The following PLAC1 variants were observed in gnomAD, a reference collection of about 807,000 sequenced individuals.
PLAC1 encodes the protein placenta associated 1, also known as placenta-specific protein 1.
For synonymous variants in PLAC1, 68 were observed against 62.1 expected (o/e 1.09, Z -0.44); for missense variants, 136 against 163.2 (o/e 0.83, Z 0.91).
At chrX:134,570,779 G>T (rs2077904148) in intron 2 of PLAC1, among the ~76,000 whole-genome samples, 1 of 111,412 alleles carries the variant, frequency 9.0e-6, no homozygotes, top group South Asian at 3.8e-4. Flanking sequence ...GTAGCTTTCT[G>T]TTTTTTTGTA....
At chrX:134,708,656 A>C (rs2078617225) in intron 2 of PLAC1, among the ~76,000 whole-genome samples, 1 of 106,822 alleles carries the variant, frequency 9.4e-6, no homozygotes, top group Non-Finnish European at 1.9e-5. Flanking sequence ...CTCCTGCCTC[A>C]GCCTCCCAAG....
At chrX:134,721,883 T>TA (rs2078659043) in intron 2 of PLAC1, among the ~76,000 whole-genome samples, 1 of 110,335 alleles carries the variant, frequency 9.1e-6, no homozygotes, top group Non-Finnish European at 1.9e-5. Context: ...AAAATAAAAA[T>TA]AAAAAAAGGC....
At chrX:134,684,886 A>C (rs1313440789) in intron 2 of PLAC1, among the ~76,000 whole-genome samples, 1 of 112,400 alleles carries the variant, frequency 8.9e-6, no homozygotes, top group East Asian at 2.8e-4. Context: ...GGCCCTAGGC[A>C]TATCCCTCAA....
intron 1 of PLAC1, among the ~76,000 whole-genome samples, chrX:134,634,773 T>C (rs1041921704): frequency 1.8e-5 from 2 of 112,474 alleles, no homozygotes; most frequent in African/African-American, 6.5e-5. Flanking sequence ...CATCAGTTGA[T>C]AGACGTTTGA....
chrX:134,715,002 C>T (rs2078639334), intron 2 of PLAC1, among the ~76,000 whole-genome samples: 1 of 111,622 alleles, frequency 9.0e-6, no homozygotes, highest in African/African-American at 3.3e-5. Flanking sequence ...ATGAGGTATC[C>T]CATCCCCCTC....
chrX:134,738,180 G>C (rs1346579379), intron 1 of PLAC1, among the ~76,000 whole-genome samples: 2 of 111,649 alleles, frequency 1.8e-5, no homozygotes, highest in Non-Finnish European at 3.8e-5. Flanking sequence ...TGAGAAAAAA[G>C]AAAATAAAAA....
In PLAC1 at chrX:134,632,318, T is replaced by C. The variant is rs767930249; in HGVS notation, c.-131+26010A>G. On this transcript the variant is annotated intron_variant, in intron 1 of 2. Transcript: ENST00000359237. ...GCAAATGGAGGCTGGTTAATCCTAT[T>C]GGGGTCTGTAGGACCTACCACACTG... 3.6e-5 allele frequency among the ~76,000 whole-genome samples: 4 copies of C among 112,234 alleles called. No individual in the cohort carries two copies. In the East Asian group the frequency reaches 1.1e-3, roughly 31 times the overall value.
intron 1 of PLAC1, among the ~76,000 whole-genome samples, chrX:134,742,000 T>C (rs1177055308): frequency 2.7e-5 from 3 of 110,398 alleles, no homozygotes; most frequent in Admixed American, 1.9e-4. Flanking sequence ...GCTGGCAGAG[T>C]GGGGATTTCA....
At chrX:134,626,188 A>G (rs2078236450) in intron 1 of PLAC1, among the ~76,000 whole-genome samples, 1 of 111,958 alleles carries the variant, frequency 8.9e-6, no homozygotes, top group Non-Finnish European at 1.9e-5. Flanking sequence ...CCAGGCCACC[A>G]TGGCGACACC....
intron 1 of PLAC1, among the ~76,000 whole-genome samples, chrX:134,602,592 C>G (rs1456924379): frequency 1.8e-5 from 2 of 111,999 alleles, no homozygotes; most frequent in African/African-American, 6.5e-5. Flanking sequence ...AAATGGTCTG[C>G]AACTGGTGAA....
At chrX:134,756,143 G>A (rs1413665630) in intron 1 of PLAC1, among the ~76,000 whole-genome samples, 6 of 110,247 alleles carry the variant, frequency 5.4e-5, no homozygotes, top group Non-Finnish European at 1.1e-4. Context: ...GAGCCACCAC[G>A]CCCGGCCTTC....
intron 2 of PLAC1, among the ~76,000 whole-genome samples, chrX:134,695,896 C>T (rs1269930251): frequency 9.1e-6 from 1 of 109,962 alleles, no homozygotes; most frequent in Non-Finnish European, 1.9e-5. Flanking sequence ...TAAGAAACAT[C>T]TGGTAAGTTT....
At chrX:134,658,496 A>C (rs1406715903), upstream of PLAC1, 1 of 112,511 alleles carries the variant, frequency 8.9e-6, no homozygotes, top group Non-Finnish European at 1.9e-5. Flanking sequence ...GTGTGTCTTT[A>C]TATAAATAGA....
chrX:134,717,688 C>T (rs1202726656), intron 2 of PLAC1, among the ~76,000 whole-genome samples: 1 of 112,076 alleles, frequency 8.9e-6, no homozygotes, highest in African/African-American at 3.2e-5. Flanking sequence ...CATTACTTGC[C>T]TAAGGGTTGG....
At chrX:134,621,796 T>C (rs2078212483) in intron 1 of PLAC1, among the ~76,000 whole-genome samples, 1 of 112,107 alleles carries the variant, frequency 8.9e-6, no homozygotes, top group African/African-American at 3.2e-5. Context: ...ACTGGATTAC[T>C]GCTTTAAGCT....
chrX:134,703,666 T>G (rs2078590989), intron 2 of PLAC1, among the ~76,000 whole-genome samples: 1 of 110,624 alleles, frequency 9.0e-6, no homozygotes, highest in Non-Finnish European at 1.9e-5. Flanking sequence ...AAATAGGGTT[T>G]CTTTTGAGAT....
chrX:134,673,752 G>A (rs947596269), intron 2 of PLAC1, among the ~76,000 whole-genome samples: 1 of 111,764 alleles, frequency 8.9e-6, no homozygotes, highest in African/African-American at 3.3e-5. Flanking sequence ...TGTTGAGGGA[G>A]GAAAGGGGCT....
chrX:134,738,673 T>C (rs906712616), intron 1 of PLAC1, among the ~76,000 whole-genome samples: 1 of 112,757 alleles, frequency 8.9e-6, no homozygotes, highest in South Asian at 3.6e-4. Context: ...TCTTTCCCAC[T>C]GACCTTTCCA....
chrX:134,617,605 A>T (rs1160290673), intron 1 of PLAC1, among the ~76,000 whole-genome samples: 4 of 111,795 alleles, frequency 3.6e-5, no homozygotes, highest in Non-Finnish European at 5.6e-5. Flanking sequence ...TTTTAGCCTC[A>T]TTTTGTTAAT....
Sources: allele counts gnomAD v4.1 joint callset (sites outside exome capture counted in the v4.1 genomes callset), GRCh38; gene constraint gnomAD v4.1.1; transcripts MANE v1.5; gene names NCBI Gene and HGNC (gene_info 2026-07-23, HGNC 2026-07-21).